The following ACTR10 variants were observed in gnomAD, a reference collection of about 807,000 sequenced individuals.
ACTR10 encodes actin-related protein 10.
A neutral mutation model predicts 56.2 loss-of-function variants in ACTR10; 43 were observed. That is an observed-to-expected ratio of 0.77 (90% CI 0.60 to 0.99). The LOEUF (loss-of-function observed/expected upper bound fraction) is 0.99, where lower values mean the gene tolerates loss of function less well. Ranked by LOEUF, ACTR10 falls within the 50% of genes least tolerant of loss-of-function variation. The pLI is 0.00. For synonymous variants in ACTR10, 170 were observed against 176.3 expected, an observed-to-expected ratio of 0.96 and a Z score of 0.28; for missense variants, 466 against 507.8, an observed-to-expected ratio of 0.92 and a Z score of 0.79.
chr14:58,203,286 G>A (rs1267459328), intron 2 of ACTR10, among the ~76,000 whole-genome samples: 2 of 115,250 alleles, frequency 1.7e-5, no homozygotes, highest in Non-Finnish European at 3.4e-5. Flanking sequence ...TGGGGGGCAA[G>A]AGCAAGACTT....
rs779509782 is a variant in ACTR10 at position 58,200,286 on chromosome 14, C to G, written c.69C>G (p.Ala23=). ...CGGTCGTGATCGACCTGGGAGAGGCCTTTACCAAGTGAGTGGCCGTGACGC... is the reference window on the plus strand; with the variant it reads ...CGGTCGTGATCGACCTGGGAGAGGCGTTTACCAAGTGAGTGGCCGTGACGC... ...KTAVVIDLGE[A]FTKCGFAGET... Residue 23 remains alanine, a synonymous_variant, in exon 1 of 13, where the codon GCC becomes GCG. Coordinates refer to ENST00000254286, the MANE Select transcript of ACTR10 (RefSeq NM_018477.3). 6.0e-6 allele frequency: 9 copies of G among 1,506,042 alleles called. No individual in the cohort carries two copies. In the East Asian group the frequency reaches 2.2e-4, roughly 36 times the overall value. The allele number at this position is 1,506,042 out of a possible 1,614,324, so 93.3% of individuals were successfully genotyped here. A position where few individuals can be genotyped will look rare whatever the true frequency, so the allele number is the denominator to read the frequency against.
intron 10 of ACTR10, among the ~76,000 whole-genome samples, chr14:58,229,319 A>G (rs1051859201): frequency 1.1e-4 from 17 of 152,218 alleles, no homozygotes; most frequent in Admixed American, 6.5e-4. Context: ...GAATAAACCT[A>G]GAGATCTAAT....
Position 58,219,748 on chromosome 14 carries a change from T to G in ACTR10, c.634+19T>G. ...ATTAAAGGTAAACTAAGTTCTCATT[T>G]TTGTCCCTTTCATCCTTAAGTGTTA... On this transcript the variant is annotated intron_variant, in intron 8 of 12. Transcript: ENST00000254286. 1 of 1,504,106 alleles carries G rather than the reference T, an allele frequency of 6.6e-7. No homozygotes were observed. The highest frequency in any genetic ancestry group is 2.5e-5 in the East Asian group (1 of 40,428). 93.2% of individuals were successfully genotyped at this position (1,504,106 alleles called of 1,614,324 possible).
chr14:58,229,697 A>G (rs1889485993), intron 10 of ACTR10, among the ~76,000 whole-genome samples: 2 of 151,166 alleles, frequency 1.3e-5, no homozygotes, highest in African/African-American at 4.9e-5. Context: ...AAAAAAAAGA[A>G]TAGATTTTGG....
intron 10 of ACTR10, among the ~76,000 whole-genome samples, chr14:58,225,500 A>C (rs553115603): frequency 6.6e-6 from 1 of 152,322 alleles, no homozygotes; most frequent in Admixed American, 6.5e-5. Context: ...ACATAAATAC[A>C]CAGAAGTTAA....
At chr14:58,218,641 G>A (rs1280969919) in intron 7 of ACTR10, among the ~76,000 whole-genome samples, 1 of 151,786 alleles carries the variant, frequency 6.6e-6, no homozygotes, top group Non-Finnish European at 1.5e-5. Context: ...AATTTTAATG[G>A]CTCTCAGAAC....
chr14:58,233,062 A>G (rs1484513053), intron 12 of ACTR10, among the ~76,000 whole-genome samples: 3 of 151,786 alleles, frequency 2.0e-5, no homozygotes, highest in Admixed American at 6.6e-5. Flanking sequence ...TAGTAGAGAC[A>G]GGGTTTCTCC....
At chr14:58,217,613 C>T (rs893147529) in intron 7 of ACTR10, among the ~76,000 whole-genome samples, 1 of 151,528 alleles carries the variant, frequency 6.6e-6, no homozygotes, top group African/African-American at 2.4e-5. Context: ...TTGCAGTGAG[C>T]CGAGATCGAG....
chr14:58,224,008 T>A (rs1889342625), intron 10 of ACTR10, 152 bp downstream of exon 10: 2 of 296,846 alleles, frequency 6.7e-6, no homozygotes, highest in Non-Finnish European at 1.2e-5. Context: ...TTTATTCAGC[T>A]TTTTTTTTTT....
chr14:58,204,108 G>A (rs1428259952), intron 2 of ACTR10, among the ~76,000 whole-genome samples: 1 of 151,902 alleles, frequency 6.6e-6, no homozygotes, highest in Non-Finnish European at 1.5e-5. Context: ...TTGTGGGCTG[G>A]GCAGATTACA....
chr14:58,229,149 G>C (rs1889470859), intron 10 of ACTR10, among the ~76,000 whole-genome samples: 2 of 151,946 alleles, frequency 1.3e-5, no homozygotes, highest in Admixed American at 1.3e-4. Flanking sequence ...TAGAACTATT[G>C]CCAGACAGAA....
At chr14:58,221,313 G>T (rs1889263359) in intron 8 of ACTR10, among the ~76,000 whole-genome samples, 1 of 149,636 alleles carries the variant, frequency 6.7e-6, no homozygotes. Context: ...ATATATGCAG[G>T]CTGGGTGTAG....
At chr14:58,226,001 C>T (rs1249319238) in intron 10 of ACTR10, among the ~76,000 whole-genome samples, 5 of 152,056 alleles carry the variant, frequency 3.3e-5, no homozygotes, top group Non-Finnish European at 7.4e-5. Flanking sequence ...CGTGAGCCAC[C>T]GTGCCTGACT....
At chr14:58,222,764 G>GAAAAAAAAAAAAA (rs58412717) in intron 8 of ACTR10, among the ~76,000 whole-genome samples, 1 of 76,342 alleles carries the variant, frequency 1.3e-5, no homozygotes, top group African/African-American at 4.9e-5. Flanking sequence ...GACTCTGTCA[G>GAAAAAAAAAAAAA]AAAAAAAAAA....
intron 10 of ACTR10, among the ~76,000 whole-genome samples, chr14:58,226,886 C>T (rs1005774044): frequency 6.6e-5 from 10 of 152,140 alleles, no homozygotes; most frequent in African/African-American, 2.4e-4. Flanking sequence ...AGGTGTGAGC[C>T]ACCGCACCCA....
chr14:58,223,381 G>A lies in ACTR10; in HGVS notation c.635-241G>A, dbSNP rs547484131. 5.1e-4 allele frequency: 208 copies of A among 407,826 alleles called. 1 individual carries two copies. In the South Asian group the frequency reaches 5.4e-3, roughly 11 times the overall value. The allele number at this position is 407,826 out of a possible 1,614,324, so 25.3% of individuals were successfully genotyped here. On this transcript the variant is annotated intron_variant, in intron 8 of 12. Transcript: ENST00000254286. ...TCGAACTCCTGACCTCAGGTGATCC[G>A]CCTGCCTCGGCCTCCCAAAGTGCTG...
intron 8 of ACTR10, 140 bp downstream of exon 8, chr14:58,219,869 C>A: frequency 1.9e-6 from 1 of 528,018 alleles, no homozygotes; most frequent in Non-Finnish European, 3.1e-6. Context: ...TTATGGGATA[C>A]TCTAAGTACA....
intron 7 of ACTR10, among the ~76,000 whole-genome samples, chr14:58,216,859 A>G (rs945055821): frequency 6.6e-6 from 1 of 152,216 alleles, no homozygotes; most frequent in African/African-American, 2.4e-5. Context: ...TTTGCCTCTT[A>G]ACTCACTTGT....
chr14:58,224,328 TAAAA>T (rs950018807), intron 10 of ACTR10, among the ~76,000 whole-genome samples: 1 of 150,014 alleles, frequency 6.7e-6, no homozygotes, highest in African/African-American at 2.4e-5. Context: ...TTTTTAAAAA[TAAAA>T]AAAAAATTAT....
Sources: allele counts gnomAD v4.1 joint callset (sites outside exome capture counted in the v4.1 genomes callset), GRCh38; gene constraint gnomAD v4.1.1; transcripts MANE v1.5; gene names NCBI Gene and HGNC (gene_info 2026-07-23, HGNC 2026-07-21).